The following FAM110B variants were observed in gnomAD, a reference collection of about 807,000 sequenced individuals.
FAM110B encodes family with sequence similarity 110 member B.
FAM110B carries 6 observed loss-of-function variants against 20.4 expected under a neutral mutation model. That is an observed-to-expected ratio of 0.29 (90% CI 0.16 to 0.58). The LOEUF (loss-of-function observed/expected upper bound fraction) is 0.58. Among genes scored for constraint, FAM110B ranks in the 20% least tolerant of loss-of-function variants. The pLI, the probability that FAM110B is intolerant of heterozygous loss-of-function variation, is 0.90. For synonymous variants in FAM110B, 226 were observed against 214.1 expected, an observed-to-expected ratio of 1.06 and a Z score of -0.49; for missense variants, 434 against 498.2, an observed-to-expected ratio of 0.87 and a Z score of 1.23.
intron 1 of FAM110B, among the ~76,000 whole-genome samples, chr8:58,012,585 G>T (rs1804560299): frequency 1.3e-5 from 2 of 152,172 alleles, no homozygotes; most frequent in African/African-American, 4.8e-5. Flanking sequence ...CCTCCAAGGG[G>T]ATTTGGTGCT....
At chr8:58,002,708 T>A (rs1254828305) in intron 1 of FAM110B, among the ~76,000 whole-genome samples, 1 of 152,240 alleles carries the variant, frequency 6.6e-6, no homozygotes, top group East Asian at 1.9e-4. Context: ...TACTGTAGTC[T>A]ATTAAGTGTG....
chr8:58,139,495 A>G (rs1168899794), intron 3 of FAM110B, among the ~76,000 whole-genome samples: 1 of 152,208 alleles, frequency 6.6e-6, no homozygotes, highest in African/African-American at 2.4e-5. Context: ...GTGCAAAGTC[A>G]GTCTTTTTTG....
chr8:58,068,846 T>C (rs1030729692), intron 2 of FAM110B, among the ~76,000 whole-genome samples: 2 of 152,188 alleles, frequency 1.3e-5, no homozygotes, highest in African/African-American at 4.8e-5. Context: ...CTGACTTCTC[T>C]CCCTTTTCAA....
chr8:58,129,262 G>C (rs1807591605), intron 3 of FAM110B, among the ~76,000 whole-genome samples: 1 of 152,204 alleles, frequency 6.6e-6, no homozygotes, highest in African/African-American at 2.4e-5. Flanking sequence ...TCTCAGCTCT[G>C]AGCCAGTGGC....
intron 1 of FAM110B, among the ~76,000 whole-genome samples, chr8:58,030,338 AC>A (rs1804938265): frequency 6.6e-6 from 1 of 152,212 alleles, no homozygotes; most frequent in Admixed American, 6.5e-5. Flanking sequence ...AGGTAATGGG[AC>A]AGGAGAAAGT....
intron 2 of FAM110B, among the ~76,000 whole-genome samples, chr8:58,064,749 G>A (rs2095875073): frequency 6.6e-6 from 1 of 152,170 alleles, no homozygotes; most frequent in Admixed American, 6.5e-5. Context: ...TCCTCCAAAT[G>A]TTCCAGATGA....
intron 1 of FAM110B, among the ~76,000 whole-genome samples, chr8:58,011,806 GC>G (rs1285031250): frequency 6.6e-6 from 1 of 152,184 alleles, no homozygotes; most frequent in Admixed American, 6.5e-5. Context: ...GATTTAGGTA[GC>G]CCATCCATGG....
chr8:57,996,005 C>G (rs2150559993), intron 1 of FAM110B, among the ~76,000 whole-genome samples: 1 of 152,320 alleles, frequency 6.6e-6, no homozygotes, highest in Non-Finnish European at 1.5e-5. Context: ...ATTATTTTCC[C>G]CCCAGTTTAC....
intron 3 of FAM110B, among the ~76,000 whole-genome samples, chr8:58,145,649 G>A (rs1180636411): frequency 2.0e-5 from 3 of 152,266 alleles, no homozygotes; most frequent in Non-Finnish European, 4.4e-5. Context: ...TCCGGAGGCA[G>A]CTGGAAGAGT....
chr8:58,034,095 T>C (rs181103856), intron 2 of FAM110B, among the ~76,000 whole-genome samples: 1 of 152,210 alleles, frequency 6.6e-6, no homozygotes, highest in East Asian at 1.9e-4. Flanking sequence ...AAATCAGTAG[T>C]CCAGAGCCTA....
intron 3 of FAM110B, among the ~76,000 whole-genome samples, chr8:58,097,774 T>G (rs1172505867): frequency 6.6e-6 from 1 of 152,194 alleles, no homozygotes; most frequent in Non-Finnish European, 1.5e-5. Context: ...TCTTTTCTGT[T>G]TGTTAGTTTT....
chr8:58,133,430 G>C (rs1209355342), intron 3 of FAM110B, among the ~76,000 whole-genome samples: 1 of 152,214 alleles, frequency 6.6e-6, no homozygotes, highest in African/African-American at 2.4e-5. Context: ...GAGCCAGGCA[G>C]CTGCCCTCCG....
chr8:58,137,758 T>C (rs541092464), intron 3 of FAM110B, among the ~76,000 whole-genome samples: 1 of 152,312 alleles, frequency 6.6e-6, no homozygotes, highest in East Asian at 1.9e-4. Flanking sequence ...GTGTTCTTTT[T>C]CCGTGCCCTA....
At position 58,133,504 on chromosome 8, in the gene FAM110B, AG is replaced by A. The variant is rs148099424; in HGVS notation, c.-324-12401del. ...TCACCATTCGGGAATGAGGACTGTA[AG>A]GCAAGAGCCCAGGAGGAAGGATGGG... On this transcript the variant is annotated intron_variant, in intron 3 of 3. Transcript: ENST00000519262. Among the ~76,000 whole-genome samples the A allele has an allele frequency of 7.9e-4, 120 of 152,322 alleles. 1 individual carries two copies. The East Asian group carries it at 9.3e-3, about 12-fold the overall frequency.
intron 3 of FAM110B, among the ~76,000 whole-genome samples, chr8:58,112,302 C>G (rs1041352055): frequency 6.6e-6 from 1 of 152,200 alleles, no homozygotes; most frequent in Non-Finnish European, 1.5e-5. Context: ...GCACTCCAGC[C>G]TGGGTGACAG....
chr8:58,108,566 G>A (rs879658158), intron 3 of FAM110B, among the ~76,000 whole-genome samples: 19 of 152,214 alleles, frequency 1.2e-4, no homozygotes, highest in Non-Finnish European at 1.9e-4. Flanking sequence ...ACTTCAAGTT[G>A]TAGACCAGCC....
intron 1 of FAM110B, among the ~76,000 whole-genome samples, chr8:58,015,674 C>T (rs1004912590): frequency 3.3e-5 from 5 of 151,530 alleles, no homozygotes; most frequent in Non-Finnish European, 7.4e-5. Flanking sequence ...GATGAAACCC[C>T]GTCTCTACTA....
intron 1 of FAM110B, among the ~76,000 whole-genome samples, chr8:58,023,428 AG>A (rs1244089875): frequency 6.6e-6 from 1 of 152,196 alleles, no homozygotes; most frequent in African/African-American, 2.4e-5. Context: ...TGGACAAAAA[AG>A]TACAGTGACT....
In FAM110B at chr8:58,091,072, A is replaced by C. The variant is rs1435552216; in HGVS notation, c.-325+15449A>C. Reference sequence around the variant, plus strand: ...AGCCATGCCTTTGCTCTCCTAACCAAGGGCCCTTCTACTAAAGCATGCTCT... The same window carrying C: ...AGCCATGCCTTTGCTCTCCTAACCACGGGCCCTTCTACTAAAGCATGCTCT... On this transcript the variant is annotated intron_variant, in intron 3 of 3. Transcript: ENST00000519262. Among the ~76,000 whole-genome samples, 4 of 152,304 alleles carry C rather than the reference A, an allele frequency of 2.6e-5. No individual in the cohort carries two copies. The East Asian group carries it at 7.7e-4, about 29-fold the overall frequency.
Sources: allele counts gnomAD v4.1 joint callset (sites outside exome capture counted in the v4.1 genomes callset), GRCh38; gene constraint gnomAD v4.1.1; transcripts MANE v1.5; gene names NCBI Gene and HGNC (gene_info 2026-07-23, HGNC 2026-07-21).